BTBD8: variants seen among roughly 807,000 people sequenced by gnomAD.
BTBD8 encodes BTB domain containing 8, also known as BTB/POZ domain-containing protein 8.
In BTBD8, 110 loss-of-function variants were observed where a neutral mutation model predicts 162.9. The ratio of observed to expected loss-of-function variants is 0.68; its 90% confidence interval spans 0.58 to 0.79. The LOEUF is 0.79. Among genes scored for constraint, BTBD8 ranks in the 30% least tolerant of loss-of-function variants. BTBD8 has a pLI of 0.00. For synonymous variants in BTBD8, 667 were observed against 716.1 expected (o/e 0.93, Z 1.10); for missense variants, 1,905 against 2,085.4 (o/e 0.91, Z 1.68).
chr1:92,176,261 T>C (rs1464931130), intron 13 of BTBD8, among the ~76,000 whole-genome samples: 1 of 152,194 alleles, frequency 6.6e-6, no homozygotes, highest in East Asian at 1.9e-4. Context: ...AATTATGCTA[T>C]ATAGATGACT....
At chr1:92,175,612 C>G (rs374570895) in intron 13 of BTBD8, among the ~76,000 whole-genome samples, 2 of 151,050 alleles carry the variant, frequency 1.3e-5, no homozygotes, top group Admixed American at 6.6e-5. Flanking sequence ...CTGGGCAACA[C>G]GGTGAAACCC....
intron 13 of BTBD8, among the ~76,000 whole-genome samples, chr1:92,171,843 CACT>C (rs1650554614): frequency 6.6e-6 from 1 of 152,204 alleles, no homozygotes. Context: ...GTAATCCCAG[CACT>C]TTGGGAGGCC....
At chr1:92,105,827 A>G (rs1052621609) in intron 3 of BTBD8, among the ~76,000 whole-genome samples, 6 of 152,224 alleles carry the variant, frequency 3.9e-5, no homozygotes, top group Non-Finnish European at 7.3e-5. Context: ...CAGAACATGG[A>G]AGTAAAGTAC....
At chr1:92,166,072 G>C (rs1650377554) in intron 9 of BTBD8, among the ~76,000 whole-genome samples, 1 of 152,090 alleles carries the variant, frequency 6.6e-6, no homozygotes. Flanking sequence ...CATGGTATTT[G>C]CTCATTGTCA....
chr1:92,113,868 C>T (rs1423916044), intron 4 of BTBD8, among the ~76,000 whole-genome samples: 1 of 151,668 alleles, frequency 6.6e-6, no homozygotes, highest in African/African-American at 2.4e-5. Flanking sequence ...AAAAATTAAC[C>T]AGGCGCAGTG....
At chr1:92,148,179 T>C (rs1176834584) in intron 9 of BTBD8, among the ~76,000 whole-genome samples, 1 of 152,192 alleles carries the variant, frequency 6.6e-6, no homozygotes, top group Admixed American at 6.5e-5. Flanking sequence ...GTTGATTACA[T>C]TGGATCACTT....
At chr1:92,135,597 T>G (rs1649615555) in intron 5 of BTBD8, among the ~76,000 whole-genome samples, 1 of 152,236 alleles carries the variant, frequency 6.6e-6, no homozygotes, top group Non-Finnish European at 1.5e-5. Flanking sequence ...AATTTATTGC[T>G]TTTCTAGGTC....
rs750935477 is a variant in BTBD8, at chr1:92,141,135, A to G, written c.854A>G (p.Asp285Gly). Residue 285 changes from aspartate (D) to glycine (G), a missense_variant, in exon 7 of 18, where the codon GAT (aspartate) becomes GGT (glycine). Coordinates refer to ENST00000636805, the MANE Select transcript of BTBD8 (RefSeq NM_001376131.1). ...TNVGQILNMA[D>G]MYGLEGLKEV... ...TTTAGTCAGATACTCAATATGGCTG[A>G]TATGTATGGACTAGAAGGATTAAAA... The G allele has an allele frequency of 6.4e-7, 1 of 1,568,024 alleles. No individual in the cohort carries two copies. Among genetic ancestry groups the G allele is most frequent in the Non-Finnish European group, 8.6e-7 (1 of 1,158,238 alleles).
chr1:92,148,927 C>A (rs1329884471), intron 9 of BTBD8, among the ~76,000 whole-genome samples: 4 of 152,170 alleles, frequency 2.6e-5, no homozygotes, highest in African/African-American at 9.7e-5. Context: ...GCAGTACTCC[C>A]AGGCTCTATG....
At position 92,126,804 on chromosome 1, in the gene BTBD8, A is replaced by AT. The variant is rs145758631; in HGVS notation, c.663-2874dup. ...TAGAGTAATGATGTAACAGTGTAAG[A>AT]TTTTTTTTTAACTGACATAACTTTC... On this transcript the variant is annotated intron_variant, in intron 4 of 17. Transcript: ENST00000636805. 1.8e-3 allele frequency among the ~76,000 whole-genome samples: 271 copies of AT among 151,738 alleles called. 3 individuals are homozygous for AT. The highest frequency in any genetic ancestry group is 6.0e-3 in the African/African-American group (247 of 41,398).
rs866313136 is a variant in BTBD8, at chr1:92,145,798, G to A, written c.931-1382G>A. Among the ~76,000 whole-genome samples, 4 of 152,134 alleles carry A rather than the reference G, an allele frequency of 2.6e-5. No individual in the cohort carries two copies. In the South Asian group the frequency reaches 6.2e-4, roughly 24 times the overall value. On this transcript the variant is annotated intron_variant, in intron 7 of 17. Transcript: ENST00000636805. Reference sequence around the variant, plus strand: ...AGTTCAAGACCAGCCTGACCAACATGGTGAAACCCCATCTCTACTAAAAAT... The same window carrying A: ...AGTTCAAGACCAGCCTGACCAACATAGTGAAACCCCATCTCTACTAAAAAT...
At chr1:92,142,069 A>C (rs1036705269) in intron 7 of BTBD8, among the ~76,000 whole-genome samples, 2 of 152,352 alleles carry the variant, frequency 1.3e-5, no homozygotes, top group Non-Finnish European at 1.5e-5. Context: ...AGCCATAAAC[A>C]ACTGGGTCTA....
intron 9 of BTBD8, among the ~76,000 whole-genome samples, chr1:92,159,917 G>A (rs1650244032): frequency 1.3e-5 from 2 of 152,262 alleles, no homozygotes; most frequent in African/African-American, 4.8e-5. Flanking sequence ...CTTCCTGGAT[G>A]TGGATGTCTG....
intron 4 of BTBD8, among the ~76,000 whole-genome samples, chr1:92,121,161 T>A (rs1649200561): frequency 6.6e-6 from 1 of 152,246 alleles, no homozygotes; most frequent in South Asian, 2.1e-4. Flanking sequence ...TTCTCCATTC[T>A]TTTGTTAATG....
chr1:92,122,682 A>G (rs944576271), intron 4 of BTBD8, among the ~76,000 whole-genome samples: 15 of 152,004 alleles, frequency 9.9e-5, no homozygotes, highest in African/African-American at 3.4e-4. Flanking sequence ...CTTGTGCCCC[A>G]GCCTCCTGAG....
chr1:92,115,950 A>T (rs1425155058), intron 4 of BTBD8, among the ~76,000 whole-genome samples: 2 of 152,088 alleles, frequency 1.3e-5, no homozygotes, highest in Non-Finnish European at 1.5e-5. Flanking sequence ...CTAGATCATT[A>T]ATATGAAACG....
chr1:92,107,400 C>T (rs1002734512), intron 3 of BTBD8, among the ~76,000 whole-genome samples: 5 of 152,036 alleles, frequency 3.3e-5, no homozygotes, highest in Admixed American at 2.0e-4. Context: ...ATTATGATAC[C>T]GGATTTTTAC....
intron 9 of BTBD8, among the ~76,000 whole-genome samples, chr1:92,155,357 T>C (rs978580110): frequency 1.3e-5 from 2 of 152,228 alleles, no homozygotes; most frequent in Admixed American, 6.5e-5. Flanking sequence ...TATGGACTTT[T>C]TAGCAACATT....
intron 1 of BTBD8, among the ~76,000 whole-genome samples, chr1:92,084,505 T>C (rs1043640963): frequency 1.3e-5 from 2 of 152,156 alleles, no homozygotes; most frequent in African/African-American, 4.8e-5. Flanking sequence ...GTTAGGGTTG[T>C]ATGAAGGTTG....
Sources: gnomAD v4.1 joint callset for allele counts (sites outside exome capture counted in the v4.1 genomes callset) on GRCh38, gnomAD v4.1.1 for gene constraint, MANE v1.5 for transcripts, NCBI Gene and HGNC (gene_info 2026-07-23, HGNC 2026-07-21) for gene names.